Variants in EPS8 observed in about 807,000 individuals in gnomAD.
EPS8 encodes EGFR pathway substrate 8, signaling adaptor.
EPS8 carries 42 observed loss-of-function variants against 103.8 expected under a neutral mutation model. The observed-to-expected ratio is 0.40, with a 90% CI of 0.32 to 0.52. The LOEUF (loss-of-function observed/expected upper bound fraction) is 0.52. Among genes scored for constraint, EPS8 ranks in the 20% least tolerant of loss-of-function variants. The probability of loss-of-function intolerance (pLI) is 0.40; values close to 1 mark genes in which losing one functional copy is unlikely to be tolerated. For synonymous variants in EPS8, 344 were observed against 344.6 expected (o/e 1.00, Z 0.02); for missense variants, 969 against 1,005.1 (o/e 0.96, Z 0.49).
intron 3 of EPS8, among the ~76,000 whole-genome samples, chr12:15,676,710 A>T (rs1049806925): frequency 1.3e-5 from 2 of 152,238 alleles, no homozygotes; most frequent in Non-Finnish European, 2.9e-5. Flanking sequence ...TGATAACAGT[A>T]GCTAAGTAAA....
At chr12:15,703,295 T>G (rs527725778) in intron 1 of EPS8, among the ~76,000 whole-genome samples, 4 of 152,234 alleles carry the variant, frequency 2.6e-5, no homozygotes, top group Non-Finnish European at 5.9e-5. Flanking sequence ...TTCAGCAAGA[T>G]GGATAGATAT....
intron 1 of EPS8, among the ~76,000 whole-genome samples, chr12:15,765,892 C>A (rs373500976): frequency 1.3e-5 from 2 of 149,768 alleles, no homozygotes; most frequent in East Asian, 2.0e-4. Flanking sequence ...CGGCTCACTG[C>A]AACCTCTGCC....
Position 15,701,745 on chromosome 12 carries a change from A to G in EPS8, c.-21-18773T>C, listed in dbSNP as rs570572759. ...GTTTTTTAGTTTCGAAACATTGGAA[A>G]TATCTCACAGACCTATAAAAACACC... On this transcript the variant is annotated intron_variant, in intron 1 of 20. Transcript: ENST00000281172. This position sits in a 1 kb window ranked among gnomAD's most constrained non-coding sequence, Gnocchi z 5.1. 1.3e-5 allele frequency among the ~76,000 whole-genome samples: 2 copies of G among 152,330 alleles called. No individual in the cohort carries two copies. Among genetic ancestry groups the G allele is most frequent in the African/African-American group, 4.8e-5 (2 of 41,576 alleles).
Position 15,641,821 on chromosome 12 carries a change from T to C in EPS8, c.1578A>G (p.Glu526=). Residue 526 remains glutamate, a synonymous_variant, in exon 16 of 21, where the codon GAA becomes GAG. Transcript: ENST00000281172. ...ATTTCTTGGGTTGTGTTTTGAGTGG[T>C]TCATAATTTCTATAAAAAGAAAGAA... ...TSNRHIDRNY[E]PLKTQPKKYA... 6.5e-7 allele frequency: 1 copy of C among 1,537,024 alleles called. No homozygotes were observed.
intron 17 of EPS8, among the ~76,000 whole-genome samples, chr12:15,635,208 C>T (rs548634092): frequency 6.6e-6 from 1 of 152,122 alleles, no homozygotes; most frequent in South Asian, 2.1e-4. Flanking sequence ...GCAGCCTGAA[C>T]ATAGAACATT....
chr12:15,780,280 G>A lies in EPS8; in HGVS notation c.-22+8881C>T, dbSNP rs1947246690. On this transcript the variant is annotated intron_variant, in intron 1 of 20. Coordinates refer to ENST00000281172, the MANE Select transcript of EPS8 (RefSeq NM_004447.6). This position sits in a 1 kb window ranked among gnomAD's most constrained non-coding sequence, Gnocchi z 4.1. ...CCGTAAGCTCTGAATGTGGGAATGT[G>A]CAGAATTTCCCACCACTCCCATCAT... The A allele has an allele frequency of 6.6e-6, 1 of 152,038 alleles. No homozygotes were observed. The highest frequency in any genetic ancestry group is 6.6e-5 in the Admixed American group (1 of 15,258). The allele number at this position is 152,038 out of a possible 1,614,324, so 9.4% of individuals were successfully genotyped here. A position where few individuals can be genotyped will look rare whatever the true frequency, so the allele number is the denominator to read the frequency against.
chr12:15,767,037 T>C lies in EPS8; in HGVS notation c.-22+22124A>G, dbSNP rs74063370. Among the ~76,000 whole-genome samples, 3,086 of 152,150 alleles carry C rather than the reference T, an allele frequency of 0.02. 104 individuals carry two copies. The highest frequency in any genetic ancestry group is 0.07 in the African/African-American group (2,922 of 41,496). On this transcript the variant is annotated intron_variant, in intron 1 of 20. Transcript: ENST00000281172. The surrounding 1 kb of genome is among the most constrained non-coding windows in gnomAD (Gnocchi z 5.5). ...TTTAAATATATATATATGATGACAA[T>C]GATGATGGTGGTGGTGAGAATGATG...
intron 18 of EPS8, among the ~76,000 whole-genome samples, chr12:15,630,926 T>C (rs1041076821): frequency 6.6e-6 from 1 of 152,142 alleles, no homozygotes; most frequent in African/African-American, 2.4e-5. Context: ...CCCCCCAGTT[T>C]TGACAACCAA....
At position 15,631,621 on chromosome 12, in the gene EPS8, G is replaced by A; in HGVS notation, c.1865C>T (p.Pro622Leu). The change falls in exon 18 of 21, where the codon CCT (proline) becomes CTT (leucine). Residue 622 changes from proline (P) to leucine (L), a missense_variant. Pro to Leu is a moderately conservative substitution (Grantham distance 98). Coordinates refer to ENST00000281172, the MANE Select transcript of EPS8 (RefSeq NM_004447.6). ...EYGPRPADTP[P>L]APSPPPTPAP... ...TGGTGTTGGAGGAGGTGATGGAGCA[G>A]GGGGAGTATCAGCTGGTCTTGGGCC... 11 of 1,613,968 alleles carry A rather than the reference G, an allele frequency of 6.8e-6. No homozygotes were observed. Among genetic ancestry groups the A allele is most frequent in the Non-Finnish European group, 9.3e-6 (11 of 1,179,918 alleles).
At chr12:15,668,661 C>CAATG (rs1945758550) in intron 6 of EPS8, among the ~76,000 whole-genome samples, 1 of 152,092 alleles carries the variant, frequency 6.6e-6, no homozygotes, top group Non-Finnish European at 1.5e-5. Context: ...AAATCCTGAG[C>CAATG]AATGAATCAA....
At position 15,680,710 on chromosome 12, in the gene EPS8, T is replaced by C. The variant is rs138787725; in HGVS notation, c.136+516A>G. On this transcript the variant is annotated intron_variant, in intron 3 of 20. Coordinates refer to ENST00000281172, the MANE Select transcript of EPS8 (RefSeq NM_004447.6). ...CTTGTTACTTATGACTTCTATTTTG[T>C]ATCTGAAGTGTAAAAAATAGTATGT... Among the ~76,000 whole-genome samples the C allele has an allele frequency of 1.2e-4, 18 of 152,296 alleles. No individual in the cohort carries two copies. The East Asian group carries it at 3.3e-3, about 28-fold the overall frequency.
intron 1 of EPS8, among the ~76,000 whole-genome samples, chr12:15,710,363 TA>T (rs1455874185): frequency 1.5e-4 from 23 of 152,184 alleles, no homozygotes; most frequent in African/African-American, 5.5e-4. Context: ...AAAGAATTTT[TA>T]ATAATCAAGA....
chr12:15,679,773 T>G (rs1029541348), intron 3 of EPS8, among the ~76,000 whole-genome samples: 3 of 152,224 alleles, frequency 2.0e-5, no homozygotes, highest in Admixed American at 2.0e-4. Context: ...CAGCCTTCTC[T>G]TAGTCATCTT....
chr12:15,664,277 T>G (rs1164712763), intron 8 of EPS8, among the ~76,000 whole-genome samples: 1 of 150,982 alleles, frequency 6.6e-6, no homozygotes, highest in African/African-American at 2.5e-5. Flanking sequence ...ATATCTCTGT[T>G]AATTAATTTT....
intron 1 of EPS8, among the ~76,000 whole-genome samples, chr12:15,705,094 A>G (rs925150049): frequency 6.6e-6 from 1 of 152,238 alleles, no homozygotes; most frequent in Non-Finnish European, 1.5e-5. Context: ...CTTGAAGGAA[A>G]AAAAAGCTCG....
chr12:15,690,796 A>G lies in EPS8; in HGVS notation c.-21-7824T>C, dbSNP rs1946160855. On this transcript the variant is annotated intron_variant, in intron 1 of 20. Coordinates refer to ENST00000281172, the MANE Select transcript of EPS8 (RefSeq NM_004447.6). This position sits in a 1 kb window ranked among gnomAD's most constrained non-coding sequence, Gnocchi z 4.7. ...CAATTCTTAACTGTTCCTTCTTCCT[A>G]TTATCCTATGCCTCTTAACATTTTG... 6.6e-6 allele frequency among the ~76,000 whole-genome samples: 1 copy of G among 152,162 alleles called. No individual in the cohort carries two copies. Among genetic ancestry groups the G allele is most frequent in the African/African-American group, 2.4e-5 (1 of 41,446 alleles).
At chr12:15,663,938 A>AAAAAT in intron 8 of EPS8, among the ~76,000 whole-genome samples, 1 of 36,412 alleles carries the variant, frequency 2.7e-5, no homozygotes, top group Non-Finnish European at 6.0e-5. Context: ...AAAAAAAAAA[A>AAAAAT]AAAAAAAATA....
At chr12:15,671,423 T>C (rs1303850365) in intron 3 of EPS8, among the ~76,000 whole-genome samples, 1 of 152,102 alleles carries the variant, frequency 6.6e-6, no homozygotes, top group African/African-American at 2.4e-5. Context: ...TTAGAGGAGA[T>C]TTAAAACATG....
In EPS8 at chr12:15,669,712, A is replaced by G; in HGVS notation, c.318T>C (p.Ile106=). ...TCACAGCTCTGTCATCCACTTGAAGAATCATATCTTGAGTCCACACTTTGC... is the reference window on the plus strand; with the variant it reads ...TCACAGCTCTGTCATCCACTTGAAGGATCATATCTTGAGTCCACACTTTGC... ...AKGKVWTQDM[I]LQVDDRAVSL... Residue 106 remains isoleucine, a synonymous_variant, in exon 5 of 21, where the codon ATT becomes ATC. Coordinates refer to ENST00000281172, the MANE Select transcript of EPS8 (RefSeq NM_004447.6). 3 of 1,613,250 alleles carry G rather than the reference A, an allele frequency of 1.9e-6. No individual in the cohort carries two copies. The highest frequency in any genetic ancestry group is 2.5e-6 in the Non-Finnish European group (3 of 1,179,712).
Sources: gnomAD v4.1 joint callset for allele counts (sites outside exome capture counted in the v4.1 genomes callset) on GRCh38, gnomAD v4.1.1 for gene constraint, Gnocchi (gnomAD v3.1) non-coding constraint, MANE v1.5 for transcripts, NCBI Gene and HGNC (gene_info 2026-07-23, HGNC 2026-07-21) for gene names.